Variants in ZNF616 observed in about 807,000 individuals in gnomAD.
ZNF616 encodes the protein zinc finger protein 616.
ZNF616 carries 5 observed loss-of-function variants against 7.6 expected under a neutral mutation model. That is an observed-to-expected ratio of 0.66 (90% CI 0.34 to 1.38). ZNF616 has a LOEUF of 1.38. Ranked by LOEUF, ZNF616 falls within the 40% of genes most tolerant of loss-of-function variation. ZNF616 has a pLI of 0.04. For missense variants in ZNF616, 913 were observed against 948.3 expected (o/e 0.96, Z 0.49); for synonymous variants, 319 against 317.2 (o/e 1.01, Z -0.06).
At position 52,115,134 on chromosome 19, in the gene ZNF616, G is replaced by A. The variant is rs769092771; in HGVS notation, c.2030C>T (p.Thr677Ile). Residue 677 changes from threonine to isoleucine, a missense_variant, in exon 4 of 4, where the codon ACT becomes ATT. Physicochemically the swap from Thr to Ile is moderately conservative, Grantham distance 89. Transcript: ENST00000600228. ...TCCTGCATGAATTATCTGATGTGCAGTGAGGTTTGAGCTCCGTTTAAAGGT... is the reference window on the plus strand; with the variant it reads ...TCCTGCATGAATTATCTGATGTGCAATGAGGTTTGAGCTCCGTTTAAAGGT... ...GKTFKRSSNL[T>I]AHQIIHAGKK... The A allele has an allele frequency of 6.8e-6, 11 of 1,614,112 alleles. No individual in the cohort carries two copies. The South Asian group carries it at 1.2e-4, about 18-fold the overall frequency.
At chr19:52,129,771 C>T (rs576494368) in intron 2 of ZNF616, among the ~76,000 whole-genome samples, 6 of 150,688 alleles carry the variant, frequency 4.0e-5, no homozygotes, top group Admixed American at 6.7e-5. Context: ...TCCCCTTACA[C>T]GCCTCCTTTT....
chr19:52,136,037 T>C (rs555833761), intron 1 of ZNF616, among the ~76,000 whole-genome samples: 1 of 147,094 alleles, frequency 6.8e-6, no homozygotes, highest in South Asian at 2.1e-4. Flanking sequence ...GGCTGAGGCA[T>C]GAGACTCGCT....
At chr19:52,118,256 T>A (rs1188015435) in intron 3 of ZNF616, among the ~76,000 whole-genome samples, 2 of 152,190 alleles carry the variant, frequency 1.3e-5, no homozygotes, top group East Asian at 3.9e-4. Flanking sequence ...GTCCTATTCA[T>A]TGCCTCTAAT....
In ZNF616 at chr19:52,130,575, T is replaced by C. The variant is rs2088949600; in HGVS notation, c.-63A>G. ...GTTTCTTTCTCAGTCAATGTAATTATTCACACATCAAACCTGAAAGTTAAA... is the reference window on the plus strand; with the variant it reads ...GTTTCTTTCTCAGTCAATGTAATTACTCACACATCAAACCTGAAAGTTAAA... On this transcript the variant is annotated 5_prime_UTR_variant, in exon 2 of 4. Coordinates refer to ENST00000600228, the MANE Select transcript of ZNF616 (RefSeq NM_178523.5). The C allele has an allele frequency of 1.3e-6, 2 of 1,576,756 alleles. No individual in the cohort carries two copies. The highest frequency in any genetic ancestry group is 2.4e-5 in the South Asian group (2 of 84,714).
intron 2 of ZNF616, among the ~76,000 whole-genome samples, chr19:52,125,281 G>C (rs1024301977): frequency 3.3e-5 from 5 of 152,190 alleles, no homozygotes; most frequent in African/African-American, 1.2e-4. Context: ...ACTCAAAAAT[G>C]TGTTTCATCC....
intron 1 of ZNF616, among the ~76,000 whole-genome samples, chr19:52,134,096 C>G (rs893222628): frequency 3.9e-5 from 6 of 152,142 alleles, no homozygotes; most frequent in Non-Finnish European, 8.8e-5. Context: ...GTACGAGCCT[C>G]CCGCACTACC....
intron 3 of ZNF616, among the ~76,000 whole-genome samples, chr19:52,120,120 T>G (rs548422000): frequency 5.9e-5 from 9 of 152,340 alleles, no homozygotes; most frequent in African/African-American, 2.2e-4. Context: ...AGGAAATTGT[T>G]GTCAAGGTTT....
chr19:52,132,567 C>T lies in ZNF616; in HGVS notation c.-76-1979G>A, dbSNP rs377638637. On this transcript the variant is annotated intron_variant, in intron 1 of 3. Coordinates refer to ENST00000600228, the MANE Select transcript of ZNF616 (RefSeq NM_178523.5). ...CACCCCTTGGTGCTGTTCTTTATCA[C>T]AGTGAGTTCTCACGACATCTGGTTG... Among the ~76,000 whole-genome samples the T allele has an allele frequency of 3.5e-3, 527 of 152,228 alleles. 1 individual carries two copies. Among genetic ancestry groups the T allele is most frequent in the Middle Eastern group, 0.01 (3 of 294 alleles).
rs2088809377 is a variant in ZNF616 at position 52,115,341 on chromosome 19, T to C, written c.1823A>G (p.His608Arg). 6.2e-7 allele frequency: 1 copy of C among 1,614,026 alleles called. No individual in the cohort carries two copies. The highest frequency in any genetic ancestry group is 1.3e-5 in the African/African-American group (1 of 74,930). Residue 608 changes from histidine to arginine, a missense_variant, in exon 4 of 4, where the codon CAT (histidine) becomes CGT (arginine). Physicochemically the swap from His to Arg is conservative, Grantham distance 29 (BLOSUM62 0). Transcript: ENST00000600228. ...VHTGEKPYKC[H>R]ECGKAFNQGS... The stretch of plus-strand genomic sequence containing the variant: ...CTGATTAAAGGCTTTGCCACATTCA[T>C]GACATTTGTATGGTTTCTCTCCAGT...
At position 52,116,831 on chromosome 19, in the gene ZNF616, C is replaced by G; in HGVS notation, c.333G>C (p.Val111=). 6.2e-7 allele frequency: 1 copy of G among 1,613,790 alleles called. No individual in the cohort carries two copies. Among genetic ancestry groups the G allele is most frequent in the Non-Finnish European group, 8.5e-7 (1 of 1,179,872 alleles). ...TAAGATTGTTTTCATGGGGCACTGG[C>G]ACTTCTTTATCATTTGTTTCACCAT... ...WKDGETNDKE[V]PVPHENNLTG... The change falls in exon 4 of 4, where the codon GTG becomes GTC. Residue 111 remains valine (V), a synonymous_variant. Transcript: ENST00000600228.
intron 2 of ZNF616, among the ~76,000 whole-genome samples, chr19:52,128,778 C>T (rs147087802): frequency 2.6e-3 from 391 of 151,264 alleles, no homozygotes; most frequent in Non-Finnish European, 4.0e-3. Flanking sequence ...TTCCTTGATG[C>T]CCATTTTTGT....
chr19:52,137,074 T>TATAC (rs1491194803), intron 1 of ZNF616, among the ~76,000 whole-genome samples: 6 of 142,796 alleles, frequency 4.2e-5, no homozygotes, highest in Non-Finnish European at 9.2e-5. Context: ...TATATATATA[T>TATAC]ACAGAGTGTG....
Position 52,114,553 on chromosome 19 carries a change from T to A in ZNF616, c.*265A>T. 1 of 349,356 alleles carries A rather than the reference T, an allele frequency of 2.9e-6. No homozygotes were observed. The highest frequency in any genetic ancestry group is 5.2e-6 in the Non-Finnish European group (1 of 193,192). The allele number at this position is 349,356 out of a possible 1,614,324, so 21.6% of individuals were successfully genotyped here. A position where few individuals can be genotyped will look rare whatever the true frequency, so the allele number is the denominator to read the frequency against. On this transcript the variant is annotated 3_prime_UTR_variant, in exon 4 of 4. Coordinates refer to ENST00000600228, the MANE Select transcript of ZNF616 (RefSeq NM_178523.5). ...GTGTCGGTATTTCACATGGTGAGAATGAGGGCAAGCGACAGGGAAGTGCTA... is the reference window on the plus strand; with the variant it reads ...GTGTCGGTATTTCACATGGTGAGAAAGAGGGCAAGCGACAGGGAAGTGCTA...
In ZNF616 at chr19:52,115,998, A is replaced by G; in HGVS notation, c.1166T>C (p.Val389Ala). The G allele has an allele frequency of 6.2e-7, 1 of 1,614,088 alleles. No individual in the cohort carries two copies. The highest frequency in any genetic ancestry group is 1.1e-5 in the South Asian group (1 of 91,074). Residue 389 changes from valine (V) to alanine (A), a missense_variant, in exon 4 of 4, where the codon GTC (valine) becomes GCC (alanine). Transcript: ENST00000600228. ...KQYKCNECGKVFSKRSSLAVH... is the reference protein window; with the variant it reads ...KQYKCNECGKAFSKRSSLAVH... ...TGCAAGACTTGAACGTTTACTGAAG[A>G]CCTTGCCACATTCATTGCATTTGTA...
At chr19:52,123,313 C>A (rs1385536560) in intron 3 of ZNF616, among the ~76,000 whole-genome samples, 2 of 152,064 alleles carry the variant, frequency 1.3e-5, no homozygotes, top group African/African-American at 4.8e-5. Flanking sequence ...TGGCTCACAC[C>A]TGTAATCCCA....
In ZNF616 at chr19:52,115,665, T is replaced by C; in HGVS notation, c.1499A>G (p.Lys500Arg). The C allele has an allele frequency of 6.2e-7, 1 of 1,614,210 alleles. No individual in the cohort carries two copies. The highest frequency in any genetic ancestry group is 8.5e-7 in the Non-Finnish European group (1 of 1,180,018). The change falls in exon 4 of 4, where the codon AAG becomes AGG. Residue 500 changes from lysine (K) to arginine (R), a missense_variant. Coordinates refer to ENST00000600228, the MANE Select transcript of ZNF616 (RefSeq NM_178523.5). The stretch of plus-strand genomic sequence containing the variant: ...AAGACGTGAATGTTGACTGAAGACC[T>C]TGCCACATTCATTGCATTTGTAAGG... ...EKPYKCNECG[K>R]VFSQHSRLAV...
intron 1 of ZNF616, among the ~76,000 whole-genome samples, chr19:52,138,151 AAAAC>A (rs2089029165): frequency 6.6e-6 from 1 of 152,210 alleles, no homozygotes; most frequent in Non-Finnish European, 1.5e-5. Context: ...AAAAAGAGAA[AAAAC>A]AAACAAAAAA....
intron 3 of ZNF616, among the ~76,000 whole-genome samples, chr19:52,121,677 T>C (rs1307973571): frequency 6.6e-6 from 1 of 152,092 alleles, no homozygotes; most frequent in Non-Finnish European, 1.5e-5. Context: ...AACCAACTGA[T>C]CTTTGACAAA....
At position 52,116,706 on chromosome 19, in the gene ZNF616, T is replaced by G. The variant is rs1358978222; in HGVS notation, c.458A>C (p.Lys153Thr). The change falls in exon 4 of 4, where the codon AAA (lysine) becomes ACA (threonine). Residue 153 changes from lysine (K) to threonine (T), a missense_variant. Coordinates refer to ENST00000600228, the MANE Select transcript of ZNF616 (RefSeq NM_178523.5). ...NFESRLAELQ[K>T]VQTEGRLYEC... The stretch of plus-strand genomic sequence containing the variant: ...ATAAAGTCTCCCTTCAGTTTGAACT[T>G]TCTGCAGTTCAGCCAGACGTGACTC... The G allele has an allele frequency of 1.9e-6, 3 of 1,614,074 alleles. No homozygotes were observed. Among genetic ancestry groups the G allele is most frequent in the Non-Finnish European group, 2.5e-6 (3 of 1,180,050 alleles).
Sources: gnomAD v4.1 joint callset for allele counts (sites outside exome capture counted in the v4.1 genomes callset) on GRCh38, gnomAD v4.1.1 for gene constraint, MANE v1.5 for transcripts, NCBI Gene and HGNC (gene_info 2026-07-23, HGNC 2026-07-21) for gene names.